ABTB3: variants seen among roughly 807,000 people sequenced by gnomAD.
ABTB3 encodes the protein ankyrin repeat and BTB domain containing 3.
the ABTB3 span, among the ~76,000 whole-genome samples, chr12:107,384,641 G>A: frequency 2.0e-5 from 3 of 152,150 alleles, no homozygotes; most frequent in Non-Finnish European, 4.4e-5. Flanking sequence ...CATCCCCTGG[G>A]AATAGCTCTC....
At chr12:107,322,099 A>AT in the ABTB3 span, among the ~76,000 whole-genome samples, 3 of 152,098 alleles carry the variant, frequency 2.0e-5, no homozygotes, top group East Asian at 5.8e-4. Context: ...TTGCTTCTAT[A>AT]TTTTTTCAAA....
the ABTB3 span, among the ~76,000 whole-genome samples, chr12:107,340,631 C>T: frequency 6.6e-6 from 1 of 151,908 alleles, no homozygotes; most frequent in South Asian, 2.1e-4. Context: ...GTCCCTTTTC[C>T]TACAGCTACA....
chr12:107,432,390 G>A, the ABTB3 span, among the ~76,000 whole-genome samples: 5 of 152,192 alleles, frequency 3.3e-5, no homozygotes, highest in Non-Finnish European at 5.9e-5. Context: ...AGTCCTCAGT[G>A]AGACAGGCCT....
chr12:107,509,958 C>G, the ABTB3 span, among the ~76,000 whole-genome samples: 3 of 152,218 alleles, frequency 2.0e-5, no homozygotes, highest in African/African-American at 7.2e-5. Flanking sequence ...ACTCCCTTCT[C>G]TGTGCCAGGT....
chr12:107,330,205 C>T, the ABTB3 span, among the ~76,000 whole-genome samples: 1 of 152,180 alleles, frequency 6.6e-6, no homozygotes, highest in African/African-American at 2.4e-5. Context: ...AGAGGTTAGA[C>T]TAAGCATCTG....
chr12:107,421,389 T>C, the ABTB3 span, among the ~76,000 whole-genome samples: 1 of 152,328 alleles, frequency 6.6e-6, no homozygotes, highest in South Asian at 2.1e-4. Flanking sequence ...CTGAGAGGGA[T>C]GGCAAGTACT....
At chr12:107,610,471 C>G in the ABTB3 span, 1 of 1,202,566 alleles carries the variant, frequency 8.3e-7, no homozygotes, top group Non-Finnish European at 1.2e-6. Context: ...GCTCCCCCTA[C>G]TGACGGCTTA....
the ABTB3 span, among the ~76,000 whole-genome samples, chr12:107,334,127 C>T: frequency 1.3e-5 from 2 of 152,120 alleles, no homozygotes; most frequent in Non-Finnish European, 2.9e-5. Context: ...GGGTAGGGCC[C>T]CATAGGTCAT....
chr12:107,635,151 C>G, the ABTB3 span: 3 of 712,086 alleles, frequency 4.2e-6, no homozygotes, highest in African/African-American at 5.3e-5. Flanking sequence ...TCTGTGCTAC[C>G]CCAGGGGATT....
the ABTB3 span, among the ~76,000 whole-genome samples, chr12:107,468,590 G>C: frequency 6.6e-6 from 1 of 152,162 alleles, no homozygotes. Flanking sequence ...AAGACGGGCT[G>C]CGGATTGTGA....
At chr12:107,477,844 A>T in the ABTB3 span, among the ~76,000 whole-genome samples, 5 of 152,222 alleles carry the variant, frequency 3.3e-5, no homozygotes, top group South Asian at 2.1e-4. Context: ...ACTCTGGTGA[A>T]CTATAAACAG....
the ABTB3 span, among the ~76,000 whole-genome samples, chr12:107,324,235 C>G: frequency 1.3e-5 from 2 of 152,080 alleles, no homozygotes; most frequent in Non-Finnish European, 2.9e-5. Context: ...GTGGATGGAG[C>G]CAACAAGGCA....
the ABTB3 span, among the ~76,000 whole-genome samples, chr12:107,469,984 CTTTCTTTCTTTCTTTCTT>C: frequency 1.1e-5 from 1 of 90,604 alleles, no homozygotes; most frequent in African/African-American, 6.4e-5. Context: ...TTCTTTCTTT[CTTTCTTTCTTTCTTTCTT>C]TCTTTCTTTC....
the ABTB3 span, among the ~76,000 whole-genome samples, chr12:107,632,062 T>C: frequency 6.6e-6 from 1 of 152,186 alleles, no homozygotes; most frequent in Admixed American, 6.5e-5. Flanking sequence ...TCTCAGATGA[T>C]AGAGTACACA....
At chr12:107,329,308 T>C in the ABTB3 span, among the ~76,000 whole-genome samples, 3 of 151,630 alleles carry the variant, frequency 2.0e-5, no homozygotes, top group African/African-American at 7.2e-5. Context: ...CCAGGTGATC[T>C]TGGGCAAGTC....
chr12:107,351,203 C>T, the ABTB3 span, among the ~76,000 whole-genome samples: 1 of 152,244 alleles, frequency 6.6e-6, no homozygotes, highest in Non-Finnish European at 1.5e-5. Context: ...TTTTGATCCT[C>T]ATTCCTACCT....
the ABTB3 span, among the ~76,000 whole-genome samples, chr12:107,489,557 A>T: frequency 6.6e-6 from 1 of 152,074 alleles, no homozygotes; most frequent in African/African-American, 2.4e-5. Context: ...AAACAAAACG[A>T]TTCTTACTCT....
the ABTB3 span, among the ~76,000 whole-genome samples, chr12:107,587,746 G>A: frequency 1.3e-5 from 2 of 152,178 alleles, no homozygotes; most frequent in African/African-American, 2.4e-5. Flanking sequence ...CTGCCCTTGT[G>A]TGAAATACAC....
chr12:107,402,200 C>T, the ABTB3 span, among the ~76,000 whole-genome samples: 41 of 152,292 alleles, frequency 2.7e-4, no homozygotes, highest in Middle Eastern at 0.01. Flanking sequence ...AAAACTGAGG[C>T]TCAGAGAGGT....
Sources: gnomAD v4.1 joint callset for allele counts (sites outside exome capture counted in the v4.1 genomes callset) on GRCh38, gnomAD v4.1.1 for gene constraint, MANE v1.5 for transcripts, NCBI Gene and HGNC (gene_info 2026-07-23, HGNC 2026-07-21) for gene names.